TMEM116: variants seen among roughly 807,000 people sequenced by gnomAD.
The protein encoded by TMEM116 is transmembrane protein 116.
A neutral mutation model predicts 44.3 loss-of-function variants in TMEM116; 38 were observed. That is an observed-to-expected ratio of 0.86 (90% CI 0.66 to 1.12). TMEM116 has a LOEUF of 1.12. Ranked by LOEUF, TMEM116 falls within the 50% of genes most tolerant of loss-of-function variation. The probability of loss-of-function intolerance (pLI) is 0.00; values close to 1 mark genes in which losing one functional copy is unlikely to be tolerated. For missense variants in TMEM116, 354 were observed against 401.7 expected (o/e 0.88, Z 1.01); for synonymous variants, 132 against 144.8 (o/e 0.91, Z 0.64).
intron 4 of TMEM116, among the ~76,000 whole-genome samples, chr12:111,957,374 A>G (rs2074205377): frequency 6.8e-6 from 1 of 146,988 alleles, no homozygotes. Context: ...CTGAGAAGTG[A>G]GGAGCCCCTC....
chr12:111,944,091 A>G (rs1331835093), intron 4 of TMEM116, among the ~76,000 whole-genome samples: 2 of 152,234 alleles, frequency 1.3e-5, no homozygotes, highest in African/African-American at 2.4e-5. Context: ...GCTGAATAAG[A>G]TATTTTTTAA....
chr12:111,998,585 G>A (rs868850006), intron 3 of TMEM116, among the ~76,000 whole-genome samples: 16 of 152,176 alleles, frequency 1.1e-4, no homozygotes, highest in Admixed American at 1.0e-3. Flanking sequence ...TTGGGAGGCC[G>A]AGGCGAGCAG....
rs779383421 is a variant in TMEM116 at position 111,932,619 on chromosome 12, G to A, written c.774C>T (p.Asp258=). The A allele has an allele frequency of 6.2e-7, 1 of 1,614,182 alleles. No homozygotes were observed. Among genetic ancestry groups the A allele is most frequent in the South Asian group, 1.1e-5 (1 of 91,084 alleles). ...CATAAAGGGCCATGTGAAGCTTGGT[G>A]TCCTGTGGCTTAGTCAGCTTTATGA... The part of the protein sequence containing the change: ...LMIIKLTKPQ[D]TKLHMALYVL... The change falls in exon 10 of 11, where the codon GAC becomes GAT. Residue 258 remains aspartate (D), a synonymous_variant. Coordinates refer to ENST00000552374, the MANE Select transcript of TMEM116 (RefSeq NM_001193531.2).
At chr12:111,945,001 G>A (rs2073134953) in intron 4 of TMEM116, among the ~76,000 whole-genome samples, 1 of 150,592 alleles carries the variant, frequency 6.6e-6, no homozygotes, top group Admixed American at 6.7e-5. Flanking sequence ...CTTGAGCCCT[G>A]GAGATGGAGG....
intron 4 of TMEM116, among the ~76,000 whole-genome samples, chr12:111,984,521 A>G (rs1189829509): frequency 6.6e-6 from 1 of 152,172 alleles, no homozygotes; most frequent in Non-Finnish European, 1.5e-5. Context: ...AAAAGAATAA[A>G]TAAGACCTAC....
At chr12:111,949,881 G>A (rs113584460) in intron 4 of TMEM116, among the ~76,000 whole-genome samples, 281 of 152,236 alleles carry the variant, frequency 1.8e-3, no homozygotes, top group African/African-American at 6.2e-3. Flanking sequence ...TTGGAAGACC[G>A]AGGCGGGTGG....
chr12:111,951,781 T>C (rs2073751652), intron 4 of TMEM116, among the ~76,000 whole-genome samples: 1 of 151,502 alleles, frequency 6.6e-6, no homozygotes, highest in Non-Finnish European at 1.5e-5. Context: ...TTTACCTATA[T>C]AACAAACCTG....
At chr12:112,000,370 T>G (rs1299613601) in intron 3 of TMEM116, among the ~76,000 whole-genome samples, 3 of 152,182 alleles carry the variant, frequency 2.0e-5, no homozygotes, top group African/African-American at 7.2e-5. Context: ...TTAAAAAAAT[T>G]CATCCCTCAG....
intron 4 of TMEM116, chr12:111,965,643 G>A (rs2074926915): frequency 1.4e-5 from 4 of 293,646 alleles, no homozygotes; most frequent in Non-Finnish European, 2.7e-5. Flanking sequence ...CATTTAAGGA[G>A]GCCAGGTGCA....
rs778869539 is a variant in TMEM116 at position 111,943,355 on chromosome 12, G to A, written c.225C>T (p.Ser75=). The change falls in exon 5 of 11, where the codon TCC becomes TCT. Residue 75 remains serine, a synonymous_variant. Transcript: ENST00000552374. ...TGTAATTGACGGTGTAGAGAAATGA[G>A]GAAATGTAGAATATCTAGGTTAAAA... The part of the protein sequence containing the change: ...LQAVGQIFYI[S]SFLYTVNYIW... 2 of 1,613,090 alleles carry A rather than the reference G, an allele frequency of 1.2e-6. No homozygotes were observed. Among genetic ancestry groups the A allele is most frequent in the Non-Finnish European group, 1.7e-6 (2 of 1,179,140 alleles).
At chr12:111,967,765 G>C (rs1044517483) in intron 4 of TMEM116, among the ~76,000 whole-genome samples, 17 of 152,198 alleles carry the variant, frequency 1.1e-4, no homozygotes, top group African/African-American at 4.1e-4. Flanking sequence ...TGGCCAAGAT[G>C]GAGTGACAGA....
intron 4 of TMEM116, among the ~76,000 whole-genome samples, chr12:111,950,470 A>T (rs1278598991): frequency 2.0e-5 from 2 of 102,508 alleles, no homozygotes; most frequent in Admixed American, 9.2e-5. Flanking sequence ...ATCTGATCTT[A>T]AAAAAAAAAA....
chr12:111,977,235 C>CT (rs928762088), intron 4 of TMEM116, among the ~76,000 whole-genome samples: 19 of 152,078 alleles, frequency 1.2e-4, no homozygotes, highest in African/African-American at 2.9e-4. Flanking sequence ...TTTAAAACCA[C>CT]TTTTTTTAGA....
chr12:111,957,487 G>C (rs1319876920), intron 4 of TMEM116, among the ~76,000 whole-genome samples: 26 of 151,578 alleles, frequency 1.7e-4, no homozygotes, highest in Admixed American at 1.7e-3. Context: ...GCCCCGTCCA[G>C]GAGGTGGGGG....
intron 4 of TMEM116, among the ~76,000 whole-genome samples, chr12:111,968,618 G>C (rs544138547): frequency 6.6e-6 from 1 of 152,306 alleles, no homozygotes; most frequent in South Asian, 2.1e-4. Flanking sequence ...ATTAGAACTA[G>C]AAGTAAAGGA....
chr12:111,997,526 G>C (rs1480598770), intron 3 of TMEM116, among the ~76,000 whole-genome samples: 2 of 151,976 alleles, frequency 1.3e-5, no homozygotes, highest in Non-Finnish European at 2.9e-5. Context: ...CTGTACTATG[G>C]CCTGAGTGGC....
chr12:112,012,684 C>G (rs1003479801), intron 1 of TMEM116: 3 of 152,540 alleles, frequency 2.0e-5, no homozygotes, highest in Non-Finnish European at 1.5e-5. Context: ...GGTCTTGTTT[C>G]TGCTTATTCC....
chr12:112,004,057 C>T (rs1402198793), intron 2 of TMEM116, among the ~76,000 whole-genome samples, 194 bp from the exon 3 acceptor site: 4 of 152,120 alleles, frequency 2.6e-5, no homozygotes, highest in Admixed American at 6.6e-5. Context: ...TATAGCTCAA[C>T]GTAACCTTGA....
intron 4 of TMEM116, among the ~76,000 whole-genome samples, chr12:111,974,654 C>CA (rs1203582338): frequency 0.012 from 548 of 44,118 alleles, 5 homozygotes; most frequent in Middle Eastern, 0.032. Context: ...GACTCTGTCG[C>CA]AAAAAAAAAA....
Sources: gnomAD v4.1 joint callset for allele counts (sites outside exome capture counted in the v4.1 genomes callset) on GRCh38, gnomAD v4.1.1 for gene constraint, MANE v1.5 for transcripts, NCBI Gene and HGNC (gene_info 2026-07-23, HGNC 2026-07-21) for gene names.